Variants in TMEM209 observed in about 807,000 individuals in gnomAD.
TMEM209 encodes the protein transmembrane protein 209.
In TMEM209, 65 loss-of-function variants were observed where a neutral mutation model predicts 76.2. The ratio of observed to expected loss-of-function variants is 0.85; its 90% CI spans 0.70 to 1.05. TMEM209 has a LOEUF of 1.05. Ranked by LOEUF, TMEM209 falls within the 50% of genes least tolerant of loss-of-function variation. The probability of loss-of-function intolerance (pLI) is 0.00; values close to 1 mark genes in which losing one functional copy is unlikely to be tolerated. For synonymous variants in TMEM209, 239 were observed against 237.6 expected (o/e 1.01, Z -0.06); for missense variants, 623 against 685.5 (o/e 0.91, Z 1.02).
chr7:130,182,331 A>C (rs888184907), intron 8 of TMEM209, among the ~76,000 whole-genome samples: 20 of 152,114 alleles, frequency 1.3e-4, no homozygotes, highest in Non-Finnish European at 8.8e-5. Flanking sequence ...TTTTTCTTAA[A>C]ATTTTCTGAT....
At chr7:130,190,524 AAG>A (rs2117010172) in intron 6 of TMEM209, among the ~76,000 whole-genome samples, 1 of 152,248 alleles carries the variant, frequency 6.6e-6, no homozygotes, top group East Asian at 1.9e-4. Flanking sequence ...ATCTCAAAAA[AAG>A]AAAAAAAAAA....
intron 9 of TMEM209, 76 bp downstream of exon 9, chr7:130,181,547 G>T: frequency 8.0e-7 from 1 of 1,254,994 alleles, no homozygotes. Context: ...AATAAGTTAA[G>T]CCGTCCATTA....
intron 10 of TMEM209, among the ~76,000 whole-genome samples, chr7:130,176,023 GT>G: frequency 6.6e-6 from 1 of 152,046 alleles, no homozygotes; most frequent in East Asian, 1.9e-4. Context: ...AGAAAAAAAA[GT>G]GTGTGTGTAT....
chr7:130,174,014 C>G (rs563609793), intron 11 of TMEM209, 75 bp from the exon 12 acceptor site: 84 of 1,009,708 alleles, frequency 8.3e-5, no homozygotes, highest in Non-Finnish European at 1.2e-4. Flanking sequence ...TTAGAAACAT[C>G]TGTATTTATA....
intron 5 of TMEM209, among the ~76,000 whole-genome samples, chr7:130,195,199 T>A (rs953784459): frequency 6.6e-6 from 1 of 152,156 alleles, no homozygotes; most frequent in African/African-American, 2.4e-5. Flanking sequence ...CTGATTAGAA[T>A]TGCATACACC....
chr7:130,203,849 G>GAA lies in TMEM209; in HGVS notation c.141-5_141-4dup, dbSNP rs35299461. Reference sequence around the variant, plus strand: ...ATGAACTAATCAATTTTCCAGTCCTGAAAAAAAATTAGAAAGGCTTTCCAG... The same window carrying GAA: ...ATGAACTAATCAATTTTCCAGTCCTGAAAAAAAAAATTAGAAAGGCTTTCCAG... On this transcript the variant is annotated splice_region_variant and splice_polypyrimidine_tract_variant and intron_variant, in intron 2 of 14. Coordinates refer to ENST00000397622, the MANE Select transcript of TMEM209 (RefSeq NM_032842.4). The GAA allele has an allele frequency of 3.5e-5, 55 of 1,592,870 alleles. No homozygotes were observed. Among genetic ancestry groups the GAA allele is most frequent in the Admixed American group, 2.3e-4 (13 of 56,120 alleles).
intron 11 of TMEM209, among the ~76,000 whole-genome samples, chr7:130,174,398 A>AG (rs956828557): frequency 6.6e-6 from 1 of 152,134 alleles, no homozygotes; most frequent in Non-Finnish European, 1.5e-5. Context: ...TGTTGAGGGT[A>AG]GGGGTGGAGG....
chr7:130,188,686 C>G (rs989640075), intron 6 of TMEM209, among the ~76,000 whole-genome samples: 4 of 150,260 alleles, frequency 2.7e-5, no homozygotes, highest in Non-Finnish European at 5.9e-5. Flanking sequence ...GCTAAAATCA[C>G]TGGGTAAAAG....
intron 6 of TMEM209, among the ~76,000 whole-genome samples, chr7:130,185,997 C>T (rs186449823): frequency 5.9e-5 from 9 of 152,280 alleles, no homozygotes; most frequent in African/African-American, 1.4e-4. Flanking sequence ...ATCACACTTC[C>T]GGGTTATAGT....
Position 130,170,407 on chromosome 7 carries a change from T to C in TMEM209, c.1624A>G (p.Met542Val), listed in dbSNP as rs746290811. 1 of 1,612,278 alleles carries C rather than the reference T, an allele frequency of 6.2e-7. No individual in the cohort carries two copies. Among genetic ancestry groups the C allele is most frequent in the Non-Finnish European group, 8.5e-7 (1 of 1,179,216 alleles). Residue 542 changes from methionine to valine, a missense_variant, in exon 14 of 15, where the codon ATG becomes GTG. Met to Val is a conservative substitution (Grantham distance 21). Transcript: ENST00000397622. ...LYIIKTKESG[M>V]LGRVNLGLSG... ...TAAAGCATAAGTACCTACCCAAGCA[T>C]TCCTGACTCTTTGGTCTTTATGATG...
chr7:130,188,545 G>A (rs1216146148), intron 6 of TMEM209, among the ~76,000 whole-genome samples: 15 of 137,494 alleles, frequency 1.1e-4, no homozygotes, highest in East Asian at 2.1e-4. Context: ...GCAGCGAGCC[G>A]AGATCACACC....
intron 1 of TMEM209, among the ~76,000 whole-genome samples, chr7:130,204,659 C>T (rs183474141): frequency 6.6e-6 from 1 of 152,236 alleles, no homozygotes; most frequent in East Asian, 1.9e-4. Flanking sequence ...TATTTAAGAA[C>T]AATTTAATAC....
chr7:130,190,539 C>T (rs1255074413), intron 6 of TMEM209, among the ~76,000 whole-genome samples: 2 of 145,258 alleles, frequency 1.4e-5, no homozygotes, highest in African/African-American at 5.1e-5. Flanking sequence ...AAAAAAAAGG[C>T]TAATATTGTA....
At position 130,184,163 on chromosome 7, in the gene TMEM209, AAG is replaced by A; in HGVS notation, c.1023+19_1023+20del. ...TATTAAGAGGCACTAATATTGTCCA[AAG>A]AGTAATGTCAGAACTTACATTTCTA... On this transcript the variant is annotated intron_variant, in intron 8 of 14. Transcript: ENST00000397622. 2 of 1,561,252 alleles carry A rather than the reference AAG, an allele frequency of 1.3e-6. No homozygotes were observed. The highest frequency in any genetic ancestry group is 1.7e-6 in the Non-Finnish European group (2 of 1,145,690).
intron 9 of TMEM209, 67 bp downstream of exon 9, chr7:130,181,556 T>C: frequency 1.5e-6 from 2 of 1,360,970 alleles, no homozygotes; most frequent in Non-Finnish European, 2.1e-6. Context: ...AGCCGTCCAT[T>C]ACAAGAAGTT....
intron 10 of TMEM209, among the ~76,000 whole-genome samples, chr7:130,177,800 A>C (rs1797288184): frequency 6.6e-6 from 1 of 152,178 alleles, no homozygotes; most frequent in Non-Finnish European, 1.5e-5. Flanking sequence ...AAAAATGTTT[A>C]TTCCTGAATC....
chr7:130,185,434 T>A, intron 6 of TMEM209, 67 bp from the exon 7 acceptor site: 1 of 1,394,516 alleles, frequency 7.2e-7, no homozygotes, highest in South Asian at 1.4e-5. Context: ...TTAACACTTA[T>A]ATCTAGGCAA....
intron 5 of TMEM209, among the ~76,000 whole-genome samples, chr7:130,199,523 A>C (rs1798114036): frequency 6.6e-6 from 1 of 152,068 alleles, no homozygotes; most frequent in African/African-American, 2.4e-5. Context: ...CCCAGCCGTC[A>C]CCTTTACTTT....
intron 3 of TMEM209, 52 bp from the exon 4 acceptor site, chr7:130,202,715 G>A: frequency 1.3e-6 from 2 of 1,566,048 alleles, no homozygotes; most frequent in South Asian, 1.2e-5. Flanking sequence ...GGCATCTATT[G>A]GAGAACACAA....
Sources: allele counts gnomAD v4.1 joint callset (sites outside exome capture counted in the v4.1 genomes callset), GRCh38; gene constraint gnomAD v4.1.1; transcripts MANE v1.5; gene names NCBI Gene and HGNC (gene_info 2026-07-23, HGNC 2026-07-21).